HDAC5: variants seen among roughly 807,000 people sequenced by gnomAD.
HDAC5 encodes the protein antigen NY-CO-9.
HDAC5 carries 25 observed loss-of-function variants against 133.3 expected under a neutral mutation model. The ratio of observed to expected loss-of-function variants is 0.19; its 90% CI spans 0.14 to 0.26. The LOEUF is 0.26. HDAC5 is among the 10% of genes least tolerant of loss of function. The pLI is 1.00. For missense variants in HDAC5, 1,041 were observed against 1,460.5 expected (o/e 0.71, Z 4.68); for synonymous variants, 589 against 610.8 (o/e 0.96, Z 0.53).
In HDAC5 at chr17:44,084,616, G is replaced by A. The variant is rs915080668; in HGVS notation, c.2244C>T (p.His748=). 1.9e-6 allele frequency: 3 copies of A among 1,614,126 alleles called. No individual in the cohort carries two copies. The highest frequency in any genetic ancestry group is 2.5e-6 in the Non-Finnish European group (3 of 1,180,010). The part of the protein sequence containing the change: ...DEIQTVHSEY[H]TLLYGTSPLN... ...GGGGACTGGTCCCATAGAGCAGGGT[G>A]TGGTATTCAGAGTGCACTGTCTGGA... Residue 748 remains histidine (H), a synonymous_variant, in exon 16 of 27, where the codon CAC becomes CAT. Transcript: ENST00000682912.
intron 22 of HDAC5, 48 bp downstream of exon 22, chr17:44,080,353 G>A (rs780519704): frequency 1.3e-6 from 2 of 1,580,862 alleles, no homozygotes; most frequent in African/African-American, 2.7e-5. Flanking sequence ...CCCACTGCAG[G>A]GCCCAGAGGG....
chr17:44,118,267 T>C (rs1227392706), intron 1 of HDAC5, among the ~76,000 whole-genome samples: 1 of 152,222 alleles, frequency 6.6e-6, no homozygotes, highest in Non-Finnish European at 1.5e-5. Flanking sequence ...CAAGAGCTTC[T>C]CTTTCCAGGA....
chr17:44,087,825 G>T (rs566371000), intron 12 of HDAC5, 129 bp from the exon 13 acceptor site: 9 of 1,183,830 alleles, frequency 7.6e-6, no homozygotes, highest in African/African-American at 1.5e-5. Flanking sequence ...TTAGAAAAAG[G>T]TGAGGTAGCT....
intron 2 of HDAC5, 78 bp from the exon 3 acceptor site, chr17:44,110,878 A>T: frequency 7.8e-7 from 1 of 1,282,502 alleles, no homozygotes; most frequent in African/African-American, 1.5e-5. Flanking sequence ...CACCAGCAGC[A>T]TGCCAGGGAG....
intron 3 of HDAC5, among the ~76,000 whole-genome samples, chr17:44,098,388 A>T (rs1006203931): frequency 6.6e-6 from 1 of 152,160 alleles, no homozygotes; most frequent in African/African-American, 2.4e-5. Flanking sequence ...TGGGAAAAGA[A>T]GAGGATAGAC....
At chr17:44,078,990 C>T in intron 24 of HDAC5, 111 bp from the exon 25 acceptor site, 3 of 1,515,676 alleles carry the variant, frequency 2.0e-6, no homozygotes, top group Non-Finnish European at 2.7e-6. Flanking sequence ...GCAAACATGG[C>T]CTTTTTGGAC....
chr17:44,105,661 C>A (rs1019369877), intron 3 of HDAC5, among the ~76,000 whole-genome samples: 2 of 152,196 alleles, frequency 1.3e-5, no homozygotes, highest in Non-Finnish European at 2.9e-5. Context: ...GTTTAGACAC[C>A]TGCTCCCTGG....
rs543700733 is a variant in HDAC5 at position 44,108,352 on chromosome 17, G to A, written c.94+2377C>T. 3.2e-4 allele frequency among the ~76,000 whole-genome samples: 48 copies of A among 152,208 alleles called. No individual in the cohort carries two copies. In the East Asian group the frequency reaches 4.1e-3, roughly 13 times the overall value. On this transcript the variant is annotated intron_variant, in intron 3 of 26. Transcript: ENST00000682912. ...TTCTGGACTCCAGCCCTCCCCATGC[G>A]ACATTCATTCATCCATGTGCCAGGC...
In HDAC5 at chr17:44,093,429, C is replaced by A. The variant is rs369697962; in HGVS notation, c.411G>T (p.Arg137=). ...GCCGCTGCTGCTCCAGCTCCTGCTG[C>A]CGCTTGGCTGCCAGCATCTCCTGCT... The part of the protein sequence containing the change: ...KQQQEMLAAK[R]QQELEQQRQR... The change falls in exon 5 of 27, where the codon CGG becomes CGT. Residue 137 remains arginine (R), a synonymous_variant. Transcript: ENST00000682912. The A allele has an allele frequency of 3.1e-6, 5 of 1,602,630 alleles. No individual in the cohort carries two copies. Among genetic ancestry groups the A allele is most frequent in the Non-Finnish European group, 4.3e-6 (5 of 1,176,212 alleles).
intron 11 of HDAC5, among the ~76,000 whole-genome samples, chr17:44,091,019 G>A (rs2050919929): frequency 6.6e-6 from 1 of 152,238 alleles, no homozygotes; most frequent in Non-Finnish European, 1.5e-5. Context: ...GTGGATGCTA[G>A]AAATTACGTA....
chr17:44,082,907 C>T lies in HDAC5; in HGVS notation c.2464-87G>A. On this transcript the variant is annotated intron_variant, in intron 18 of 26. Transcript: ENST00000682912. ...GCACAGGACAGAAGCACAAGCCAGG[C>T]AGGGAAGTGAACACAAACCAGAAAA... The T allele has an allele frequency of 2.6e-6, 3 of 1,153,218 alleles. No individual in the cohort carries two copies. The Admixed American group carries it at 6.0e-5, about 23-fold the overall frequency. 71.4% of individuals were successfully genotyped at this position (1,153,218 alleles called of 1,614,324 possible).
chr17:44,123,531 G>A lies in HDAC5; in HGVS notation c.-217C>T. On this transcript the variant is annotated 5_prime_UTR_variant, in exon 1 of 27. Transcript: ENST00000682912. ...GCTGCGGCTCGAGCTCCGGCTTCGC[G>A]GGCGGCGGCGGCAGCAGCGGCGGCG... The A allele has an allele frequency of 2.5e-6, 1 of 396,462 alleles. No individual in the cohort carries two copies. Among genetic ancestry groups the A allele is most frequent in the Non-Finnish European group, 4.4e-6 (1 of 225,854 alleles). 24.6% of individuals were successfully genotyped at this position (396,462 alleles called of 1,614,324 possible).
chr17:44,078,728 GTCCTGGTGC>G, intron 25 of HDAC5, 58 bp downstream of exon 25: 1 of 1,610,274 alleles, frequency 6.2e-7, no homozygotes. Flanking sequence ...AACAGTCCCA[GTCCTGGTGC>G]TCCCACAAGC....
rs767621428 is a variant in HDAC5 at position 44,082,693 on chromosome 17, CAGG to C, written c.2520-24_2520-22del. The C allele has an allele frequency of 3.1e-6, 5 of 1,612,728 alleles. No individual in the cohort carries two copies. In the South Asian group the frequency reaches 4.4e-5, roughly 14 times the overall value. On this transcript the variant is annotated intron_variant, in intron 19 of 26. Transcript: ENST00000682912. Reference sequence around the variant, plus strand: ...ATCCCCTGAGGAGGGGAGAAAAGGGCAGGAGGTCAGCCTCAGCATGACGTTTGC... The same window carrying C: ...ATCCCCTGAGGAGGGGAGAAAAGGGCAGGTCAGCCTCAGCATGACGTTTGC...
chr17:44,108,661 C>T lies in HDAC5; in HGVS notation c.94+2068G>A, dbSNP rs552132347. On this transcript the variant is annotated intron_variant, in intron 3 of 26. Transcript: ENST00000682912. ...GGAGGGAAACACCAGGCTGCCTGGG[C>T]CCTCATGGCCGTGTTTATCCGGGGT... Among the ~76,000 whole-genome samples the T allele has an allele frequency of 4.0e-5, 6 of 148,812 alleles. No individual in the cohort carries two copies. The East Asian group carries it at 6.1e-4, about 15-fold the overall frequency.
At chr17:44,110,593 C>T (rs2052272001) in intron 3 of HDAC5, 136 bp downstream of exon 3, 1 of 698,732 alleles carries the variant, frequency 1.4e-6, no homozygotes, top group Non-Finnish European at 2.5e-6. Context: ...GATCCCCCAG[C>T]CCTGTGTATT....
intron 17 of HDAC5, 22 bp downstream of exon 17, chr17:44,083,783 C>T: frequency 6.3e-7 from 1 of 1,592,524 alleles, no homozygotes; most frequent in Non-Finnish European, 8.6e-7. Flanking sequence ...CGCCCACCCC[C>T]ACTGCTGTAC....
In HDAC5 at chr17:44,095,529, T is replaced by C. The variant is rs1482241297; in HGVS notation, c.95-1695A>G. Among the ~76,000 whole-genome samples the C allele has an allele frequency of 4.8e-5, 5 of 105,030 alleles. No individual in the cohort carries two copies. In the East Asian group the frequency reaches 1.3e-3, roughly 27 times the overall value. 68.9% of individuals were successfully genotyped at this position (105,030 alleles called of 152,430 possible). On this transcript the variant is annotated intron_variant, in intron 3 of 26. Transcript: ENST00000682912. ...AGAGGCTGTGGGAATGGGGGTGGGGTGGGAACAGGAGGCCTCGGGGAAAGG... is the reference window on the plus strand; with the variant it reads ...AGAGGCTGTGGGAATGGGGGTGGGGCGGGAACAGGAGGCCTCGGGGAAAGG...
intron 1 of HDAC5, among the ~76,000 whole-genome samples, chr17:44,119,458 C>A (rs2052848424): frequency 6.6e-6 from 1 of 152,240 alleles, no homozygotes. Context: ...ATCATCCTAA[C>A]CCACCTACTC....
Sources: allele counts gnomAD v4.1 joint callset (sites outside exome capture counted in the v4.1 genomes callset), GRCh38; gene constraint gnomAD v4.1.1; transcripts MANE v1.5; gene names NCBI Gene and HGNC (gene_info 2026-07-23, HGNC 2026-07-21).